Variants in HECW1 observed in about 807,000 individuals in gnomAD.
The protein encoded by HECW1 is E3 ubiquitin-protein ligase HECW1.
HECW1 carries 61 observed loss-of-function variants against 182.3 expected under a neutral mutation model. The observed-to-expected ratio is 0.33, with a 90% CI of 0.27 to 0.41. The LOEUF (loss-of-function observed/expected upper bound fraction) is 0.41, where lower values mean the gene tolerates loss of function less well. Ranked by LOEUF, HECW1 falls within the 10% of genes least tolerant of loss-of-function variation. The pLI is 1.00. For missense variants in HECW1, 1,739 were observed against 2,108.9 expected (o/e 0.82, Z 3.44); for synonymous variants, 859 against 832.6 (o/e 1.03, Z -0.55).
chr7:43,300,266 C>T (rs959054469), intron 3 of HECW1, among the ~76,000 whole-genome samples: 7 of 152,224 alleles, frequency 4.6e-5, no homozygotes, highest in African/African-American at 1.4e-4. Context: ...GCCAGTCCTC[C>T]TATCACAGCC....
rs773582823 is a variant in HECW1 at position 43,501,341 on chromosome 7, A to G, written c.3631+19A>G. 2.8e-6 allele frequency: 4 copies of G among 1,416,918 alleles called. No individual in the cohort carries two copies. In the South Asian group the frequency reaches 3.5e-5, roughly 12 times the overall value. 87.8% of individuals were successfully genotyped at this position (1,416,918 alleles called of 1,614,324 possible). On this transcript the variant is annotated intron_variant, in intron 21 of 29. Coordinates refer to ENST00000395891, the MANE Select transcript of HECW1 (RefSeq NM_015052.5). ...TCCCCAGGTAACAGGAATCTGGCCT[A>G]ATAGCTCCTGTTAAGTGGCCACGTG...
intron 7 of HECW1, among the ~76,000 whole-genome samples, chr7:43,401,685 C>T (rs971392601): frequency 1.4e-5 from 2 of 148,090 alleles, no homozygotes; most frequent in African/African-American, 5.0e-5. Flanking sequence ...TCTGAGATGC[C>T]AAAATAATGA....
intron 2 of HECW1, among the ~76,000 whole-genome samples, chr7:43,189,429 C>A (rs952825969): frequency 1.3e-5 from 2 of 152,074 alleles, no homozygotes; most frequent in Non-Finnish European, 2.9e-5. Flanking sequence ...GTTACAAAAG[C>A]TTATTGGAAA....
chr7:43,561,408 T>C (rs1301466438), intron 29 of HECW1, among the ~76,000 whole-genome samples: 1 of 152,210 alleles, frequency 6.6e-6, no homozygotes, highest in Non-Finnish European at 1.5e-5. Context: ...TAGATGCATG[T>C]GGTTCACAGA....
intron 24 of HECW1, among the ~76,000 whole-genome samples, chr7:43,520,947 C>A (rs890474153): frequency 6.6e-6 from 1 of 152,230 alleles, no homozygotes; most frequent in African/African-American, 2.4e-5. Flanking sequence ...CTGCAGCCAG[C>A]GTGGTTTCTG....
intron 2 of HECW1, among the ~76,000 whole-genome samples, chr7:43,226,358 T>A (rs914571473): frequency 2.6e-5 from 4 of 152,134 alleles, no homozygotes; most frequent in Non-Finnish European, 5.9e-5. Flanking sequence ...TAAAATGAAG[T>A]CAGGAATATC....
intron 3 of HECW1, among the ~76,000 whole-genome samples, chr7:43,264,560 T>C (rs570387671): frequency 6.6e-6 from 1 of 152,296 alleles, no homozygotes; most frequent in East Asian, 1.9e-4. Context: ...TAATTACTAT[T>C]GTCAGCCAGG....
intron 2 of HECW1, among the ~76,000 whole-genome samples, chr7:43,149,739 T>C (rs544278339): frequency 1.2e-3 from 182 of 152,312 alleles, no homozygotes; most frequent in African/African-American, 4.0e-3. Flanking sequence ...ATAAAAATAT[T>C]TACAGATATA....
At chr7:43,149,937 A>G (rs1171681093) in intron 2 of HECW1, among the ~76,000 whole-genome samples, 1 of 152,200 alleles carries the variant, frequency 6.6e-6, no homozygotes, top group East Asian at 1.9e-4. Flanking sequence ...TAGTGGTCAT[A>G]GATATCTTTT....
intron 26 of HECW1, among the ~76,000 whole-genome samples, chr7:43,542,650 G>A (rs966709753): frequency 1.3e-5 from 2 of 152,062 alleles, no homozygotes; most frequent in Non-Finnish European, 2.9e-5. Flanking sequence ...CTATGAACAT[G>A]AGTGTACACA....
At position 43,361,054 on chromosome 7, in the gene HECW1, G is replaced by T. The variant is rs374239950; in HGVS notation, c.555+74G>T. The stretch of plus-strand genomic sequence containing the variant: ...TCACTTTCCTATTTTGTTCTTGTGC[G>T]TGCGTGTGTGTGTGTGTGTGTGTGT... On this transcript the variant is annotated intron_variant, in intron 6 of 29. Transcript: ENST00000395891. 22 of 774,222 alleles carry T rather than the reference G, an allele frequency of 2.8e-5. 1 individual carries two copies. In the African/African-American group the frequency reaches 3.2e-4, roughly 11 times the overall value. 48.0% of individuals were successfully genotyped at this position (774,222 alleles called of 1,614,324 possible). A position where few individuals can be genotyped will look rare whatever the true frequency, so the allele number is the denominator to read the frequency against.
intron 8 of HECW1, among the ~76,000 whole-genome samples, chr7:43,434,855 G>A (rs1229035009): frequency 2.0e-5 from 3 of 152,158 alleles, no homozygotes; most frequent in African/African-American, 7.2e-5. Flanking sequence ...GCTACTGTAG[G>A]TAGAAATAGT....
intron 8 of HECW1, among the ~76,000 whole-genome samples, chr7:43,416,421 G>T (rs2075999419): frequency 6.6e-6 from 1 of 150,938 alleles, no homozygotes; most frequent in South Asian, 2.1e-4. Context: ...GAGAACCACT[G>T]CTCTCTTCAA....
intron 2 of HECW1, among the ~76,000 whole-genome samples, chr7:43,238,328 T>C (rs1584116804): frequency 6.6e-6 from 1 of 152,222 alleles, no homozygotes; most frequent in Admixed American, 6.5e-5. Context: ...ATCCCTGTTC[T>C]TACCACCTTG....
At chr7:43,137,528 TTTTATTTATTTA>T (rs368972324) in intron 2 of HECW1, among the ~76,000 whole-genome samples, 1 of 147,542 alleles carries the variant, frequency 6.8e-6, no homozygotes, top group Admixed American at 6.8e-5. Flanking sequence ...TTCTGCCTTC[TTTTATTTATTTA>T]TTTATTTATT....
In HECW1 at chr7:43,485,807, C is replaced by T. The variant is rs567498625; in HGVS notation, c.3234+6063C>T. On this transcript the variant is annotated intron_variant, in intron 17 of 29. Coordinates refer to ENST00000395891, the MANE Select transcript of HECW1 (RefSeq NM_015052.5). ...GAGTGAGTGACTGTGAGGCCTAGGA[C>T]ATTACTGTACACTAATGTAGAATAT... is the stretch of plus-strand genomic sequence containing the variant. Among the ~76,000 whole-genome samples, 12 of 152,256 alleles carry T rather than the reference C, an allele frequency of 7.9e-5. No homozygotes were observed. The South Asian group carries it at 1.7e-3, about 21-fold the overall frequency.
At chr7:43,242,261 G>A (rs1394625823) in intron 2 of HECW1, among the ~76,000 whole-genome samples, 1 of 152,188 alleles carries the variant, frequency 6.6e-6, no homozygotes, top group Non-Finnish European at 1.5e-5. Context: ...AGGTGCAGAC[G>A]AGGAGGCCGG....
intron 6 of HECW1, among the ~76,000 whole-genome samples, chr7:43,366,435 T>A (rs1816663687): frequency 6.6e-6 from 1 of 152,166 alleles, no homozygotes; most frequent in Non-Finnish European, 1.5e-5. Flanking sequence ...TCAAAAAAAA[T>A]TTCAAGTCAT....
At chr7:43,417,035 G>A (rs1381888357) in intron 8 of HECW1, among the ~76,000 whole-genome samples, 1 of 152,262 alleles carries the variant, frequency 6.6e-6, no homozygotes. Flanking sequence ...TTCCTATTCG[G>A]CCATCTTGGC....
Sources: gnomAD v4.1 joint callset for allele counts (sites outside exome capture counted in the v4.1 genomes callset) on GRCh38, gnomAD v4.1.1 for gene constraint, MANE v1.5 for transcripts, NCBI Gene and HGNC (gene_info 2026-07-23, HGNC 2026-07-21) for gene names.